NAV2: variants seen among roughly 807,000 people sequenced by gnomAD.
The protein encoded by NAV2 is helicase, APC down-regulated 1.
NAV2 carries 54 observed loss-of-function variants against 223.2 expected under a neutral mutation model. The observed-to-expected ratio is 0.24, with a 90% CI of 0.19 to 0.30. The LOEUF (loss-of-function observed/expected upper bound fraction) is 0.30. Ranked by LOEUF, NAV2 falls within the 10% of genes least tolerant of loss-of-function variation. The pLI is 1.00. For synonymous variants in NAV2, 1,279 were observed against 1,239.3 expected, an observed-to-expected ratio of 1.03 and a Z score of -0.67; for missense variants, 2,806 against 3,147.5, an observed-to-expected ratio of 0.89 and a Z score of 2.60.
chr11:20,116,643 C>T (rs2063117440), intron 37 of NAV2, among the ~76,000 whole-genome samples: 1 of 152,186 alleles, frequency 6.6e-6, no homozygotes, highest in African/African-American at 2.4e-5. Context: ...TGGTTGGACA[C>T]AGAAGGTGTG....
chr11:19,719,955 A>G (rs2050626504), intron 1 of NAV2, among the ~76,000 whole-genome samples: 1 of 152,210 alleles, frequency 6.6e-6, no homozygotes, highest in East Asian at 1.9e-4. Flanking sequence ...GGAGCCGGCC[A>G]ATCTGAGGGC....
At chr11:19,472,115 C>T (rs1416287687) in intron 1 of NAV2, among the ~76,000 whole-genome samples, 1 of 152,172 alleles carries the variant, frequency 6.6e-6, no homozygotes, top group East Asian at 1.9e-4. Context: ...CTCTGGGTCT[C>T]AGTTTGTTCA....
Position 19,809,178 on chromosome 11 carries a change from C to G in NAV2, c.268-23306C>G, listed in dbSNP as rs184100728. 1.6e-4 allele frequency among the ~76,000 whole-genome samples: 25 copies of G among 152,298 alleles called. No homozygotes were observed. In the South Asian group the frequency reaches 3.9e-3, roughly 24 times the overall value. On this transcript the variant is annotated intron_variant, in intron 1 of 37. Transcript: ENST00000349880. ...TTACTAATGAGTATTCTAGGAAATT[C>G]ATGCATGCAGGAAGAATTTCTTGTG...
At chr11:20,058,570 A>G (rs1171404077) in intron 19 of NAV2, among the ~76,000 whole-genome samples, 1 of 152,250 alleles carries the variant, frequency 6.6e-6, no homozygotes, top group East Asian at 1.9e-4. Flanking sequence ...TGAAAAACAC[A>G]GAAACCCTCC....
At chr11:20,069,602 G>A (rs7951443) in intron 22 of NAV2, among the ~76,000 whole-genome samples, 31,896 of 152,026 alleles carry the variant, frequency 0.21, 4,156 homozygotes, top group African/African-American at 0.35. Flanking sequence ...GAAGCTCAGA[G>A]GGCAGAGCCT....
At chr11:19,911,856 T>A (rs187706351) in intron 6 of NAV2, among the ~76,000 whole-genome samples, 121 of 152,284 alleles carry the variant, frequency 7.9e-4, no homozygotes, top group African/African-American at 2.9e-3. Flanking sequence ...GTGATCGGTT[T>A]ATTTGTGGAC....
chr11:20,041,850 A>C (rs937827321), intron 12 of NAV2, among the ~76,000 whole-genome samples: 9 of 152,086 alleles, frequency 5.9e-5, no homozygotes, highest in Non-Finnish European at 2.9e-5. Flanking sequence ...TCTTTAGGGT[A>C]CTTCTTTTTG....
At chr11:19,771,451 T>G (rs1024577321) in intron 1 of NAV2, among the ~76,000 whole-genome samples, 2 of 152,094 alleles carry the variant, frequency 1.3e-5, no homozygotes, top group Non-Finnish European at 2.9e-5. Flanking sequence ...AAACCTTCCA[T>G]GCTGAGGGAA....
intron 1 of NAV2, among the ~76,000 whole-genome samples, chr11:19,624,437 C>T (rs886270281): frequency 6.6e-6 from 1 of 152,342 alleles, no homozygotes. Context: ...TGTTTACCTA[C>T]TCAAGCCTCA....
chr11:19,985,979 G>A (rs1003149602), intron 11 of NAV2, among the ~76,000 whole-genome samples: 4 of 152,122 alleles, frequency 2.6e-5, no homozygotes, highest in Non-Finnish European at 5.9e-5. Flanking sequence ...ACCCCCACTG[G>A]AGATTTGACA....
At chr11:20,022,373 A>C (rs910603381) in intron 11 of NAV2, among the ~76,000 whole-genome samples, 6 of 152,054 alleles carry the variant, frequency 3.9e-5, no homozygotes, top group African/African-American at 1.4e-4. Context: ...CATAATGTTT[A>C]ATGTAGCCAT....
chr11:19,473,366 G>A (rs2042022781), intron 1 of NAV2, among the ~76,000 whole-genome samples: 1 of 151,946 alleles, frequency 6.6e-6, no homozygotes, highest in Non-Finnish European at 1.5e-5. Context: ...GGGGGGAGAG[G>A]CTTGGTAGTA....
chr11:19,682,684 A>G (rs1489432623), intron 1 of NAV2, among the ~76,000 whole-genome samples: 1 of 152,132 alleles, frequency 6.6e-6, no homozygotes, highest in Non-Finnish European at 1.5e-5. Context: ...TACATATTAC[A>G]TGTGAGAGAG....
chr11:19,522,245 A>G lies in NAV2; in HGVS notation c.75+171218A>G, dbSNP rs1463026945. ...GAAGGTGGGAGACAGGCTCAAAATG[A>G]AGCCACATTGCACCCCTCACAAGGC... is the stretch of plus-strand genomic sequence containing the variant. On this transcript the variant is annotated intron_variant, in intron 1 of 37. Transcript: ENST00000360655. Among the ~76,000 whole-genome samples, 7 of 142,940 alleles carry G rather than the reference A, an allele frequency of 4.9e-5. No homozygotes were observed. In the East Asian group the frequency reaches 1.4e-3, roughly 29 times the overall value. The allele number at this position is 142,940 out of a possible 152,430, so 93.8% of individuals were successfully genotyped here.
At chr11:19,510,651 C>T (rs1005585612) in intron 1 of NAV2, among the ~76,000 whole-genome samples, 2 of 152,212 alleles carry the variant, frequency 1.3e-5, no homozygotes, top group African/African-American at 2.4e-5. Context: ...GCCCGAAGTC[C>T]GTTGGTCATT....
intron 1 of NAV2, among the ~76,000 whole-genome samples, chr11:19,367,953 C>T (rs747321046): frequency 6.6e-6 from 1 of 152,194 alleles, no homozygotes; most frequent in African/African-American, 2.4e-5. Flanking sequence ...TCCATTAGGA[C>T]ACATAATCAC....
At chr11:19,376,343 C>T (rs866866362) in intron 1 of NAV2, among the ~76,000 whole-genome samples, 1 of 152,132 alleles carries the variant, frequency 6.6e-6, no homozygotes, top group Admixed American at 6.5e-5. Context: ...AGGTACATGA[C>T]ATTTGGGAGT....
At chr11:19,687,798 TGTG>T (rs2049065681) in intron 1 of NAV2, among the ~76,000 whole-genome samples, 1 of 152,080 alleles carries the variant, frequency 6.6e-6, no homozygotes, top group Non-Finnish European at 1.5e-5. Flanking sequence ...TGTGTGTGTG[TGTG>T]TGAACTTTGT....
intron 8 of NAV2, among the ~76,000 whole-genome samples, chr11:19,944,555 TCTTTCC>T (rs1403082487): frequency 1.3e-5 from 2 of 151,252 alleles, no homozygotes; most frequent in Non-Finnish European, 2.9e-5. Flanking sequence ...CCATTTCTTT[TCTTTCC>T]CTTTCCCTTT....
Sources: gnomAD v4.1 joint callset for allele counts (sites outside exome capture counted in the v4.1 genomes callset) on GRCh38, gnomAD v4.1.1 for gene constraint, MANE v1.5 for transcripts, NCBI Gene and HGNC (gene_info 2026-07-23, HGNC 2026-07-21) for gene names.